SLC38A12: variants seen among roughly 807,000 people sequenced by gnomAD.
SLC38A12 encodes solute carrier family 38 member 12.
At chr17:74,805,923 G>C in the SLC38A12 span, among the ~76,000 whole-genome samples, 1 of 152,212 alleles carries the variant, frequency 6.6e-6, no homozygotes, top group Non-Finnish European at 1.5e-5. This position sits in a 1 kb window ranked among gnomAD's most constrained non-coding sequence, Gnocchi z 5.0. Flanking sequence ...CTGTTCCCAG[G>C]GCAGGGCGGG....
chr17:74,836,922 G>A, the SLC38A12 span: 58 of 1,352,126 alleles, frequency 4.3e-5, 1 homozygote, highest in African/African-American at 3.2e-4. This position sits in a 1 kb window ranked among gnomAD's most constrained non-coding sequence, Gnocchi z 4.2. Context: ...TGGGTGACGC[G>A]TGGCTGCTCC....
the SLC38A12 span, among the ~76,000 whole-genome samples, chr17:74,805,679 C>T: frequency 1.3e-5 from 2 of 152,208 alleles, no homozygotes; most frequent in South Asian, 4.1e-4. This position sits in a 1 kb window ranked among gnomAD's most constrained non-coding sequence, Gnocchi z 5.0. Context: ...AGGGGTGGAG[C>T]CAGCTGGGCC....
chr17:74,795,218 A>C, the SLC38A12 span: 2 of 924,396 alleles, frequency 2.2e-6, no homozygotes, highest in Non-Finnish European at 1.7e-6. Flanking sequence ...AGTTCATTGC[A>C]TCTAGGGAAT....
the SLC38A12 span, among the ~76,000 whole-genome samples, chr17:74,798,222 G>C: frequency 6.6e-6 from 1 of 152,182 alleles, no homozygotes; most frequent in East Asian, 1.9e-4. Flanking sequence ...AGTTCTGGGG[G>C]ACAGAGATAC....
At chr17:74,813,179 T>C in the SLC38A12 span, among the ~76,000 whole-genome samples, 1 of 152,184 alleles carries the variant, frequency 6.6e-6, no homozygotes, top group Non-Finnish European at 1.5e-5. Flanking sequence ...GCCTGCGTGC[T>C]TCCCTGGTCA....
chr17:74,815,193 G>A, the SLC38A12 span, among the ~76,000 whole-genome samples: 498 of 152,246 alleles, frequency 3.3e-3, 3 homozygotes, highest in African/African-American at 0.011. Flanking sequence ...ACCTTGCAGC[G>A]GGCCATGAGC....
At chr17:74,795,755 C>T in the SLC38A12 span, 7 of 756,586 alleles carry the variant, frequency 9.3e-6, no homozygotes, top group Admixed American at 1.6e-4. Flanking sequence ...CTTCTCCACA[C>T]TCTGGCTAAG....
the SLC38A12 span, among the ~76,000 whole-genome samples, chr17:74,819,244 A>G: frequency 6.6e-6 from 1 of 152,080 alleles, no homozygotes; most frequent in African/African-American, 2.4e-5. Context: ...ACTCCTCTCC[A>G]AGCCCGTCAG....
the SLC38A12 span, among the ~76,000 whole-genome samples, chr17:74,816,447 A>G: frequency 6.6e-6 from 1 of 152,224 alleles, no homozygotes; most frequent in Admixed American, 6.5e-5. Context: ...AGAACGTTCT[A>G]AAAGAGCTGT....
At chr17:74,824,164 G>T in the SLC38A12 span, among the ~76,000 whole-genome samples, 234 of 152,316 alleles carry the variant, frequency 1.5e-3, no homozygotes, top group Non-Finnish European at 2.6e-3. Context: ...TTTGCTCTGG[G>T]CAGCCTCTCT....
chr17:74,817,607 G>A, the SLC38A12 span, among the ~76,000 whole-genome samples: 1 of 152,002 alleles, frequency 6.6e-6, no homozygotes, highest in Non-Finnish European at 1.5e-5. Context: ...CAGTGGGCTG[G>A]GATTCATCCA....
the SLC38A12 span, among the ~76,000 whole-genome samples, chr17:74,782,307 A>G: frequency 6.6e-6 from 1 of 152,130 alleles, no homozygotes; most frequent in African/African-American, 2.4e-5. Flanking sequence ...AGCTCAGGCA[A>G]TACACCCACC....
the SLC38A12 span, among the ~76,000 whole-genome samples, chr17:74,820,435 C>T: frequency 6.6e-6 from 1 of 152,204 alleles, no homozygotes; most frequent in Admixed American, 6.5e-5. Flanking sequence ...GGCGTCTGTT[C>T]CCCCAAACAG....
At chr17:74,793,990 C>T in the SLC38A12 span, among the ~76,000 whole-genome samples, 3 of 152,150 alleles carry the variant, frequency 2.0e-5, no homozygotes, top group Non-Finnish European at 4.4e-5. Context: ...AGGGAACTGT[C>T]ACTTCATTTT....
the SLC38A12 span, chr17:74,819,884 C>G: frequency 1.3e-6 from 2 of 1,560,798 alleles, no homozygotes; most frequent in East Asian, 2.2e-5. Flanking sequence ...GCTTTCTCCT[C>G]TCGTCCCTTC....
chr17:74,786,623 G>A, the SLC38A12 span, among the ~76,000 whole-genome samples: 6 of 152,216 alleles, frequency 3.9e-5, no homozygotes, highest in Non-Finnish European at 5.9e-5. Flanking sequence ...TCTAAGCAAG[G>A]ATCTGAAGGG....
chr17:74,795,384 C>G, the SLC38A12 span: 1 of 731,612 alleles, frequency 1.4e-6, no homozygotes, highest in East Asian at 2.7e-5. Flanking sequence ...GGTGCATCCT[C>G]AGAGATGCAT....
chr17:74,798,384 T>C, the SLC38A12 span, among the ~76,000 whole-genome samples: 1 of 152,180 alleles, frequency 6.6e-6, no homozygotes, highest in Non-Finnish European at 1.5e-5. Flanking sequence ...GCATCATGAT[T>C]ACTTACAAAA....
the SLC38A12 span, among the ~76,000 whole-genome samples, chr17:74,787,160 G>T: frequency 1.3e-5 from 2 of 152,158 alleles, no homozygotes; most frequent in Non-Finnish European, 2.9e-5. Context: ...TTCAGAGCTG[G>T]CTGCTCCCCC....
Sources: gnomAD v4.1 joint callset for allele counts (sites outside exome capture counted in the v4.1 genomes callset) on GRCh38, gnomAD v4.1.1 for gene constraint, Gnocchi (gnomAD v3.1) non-coding constraint, MANE v1.5 for transcripts, NCBI Gene and HGNC (gene_info 2026-07-23, HGNC 2026-07-21) for gene names.